VPS13B: variants seen among roughly 807,000 people sequenced by gnomAD.
The protein encoded by VPS13B is vacuolar protein sorting 13 homolog B, also known as intermembrane lipid transfer protein VPS13B.
A neutral mutation model predicts 426.4 loss-of-function variants in VPS13B; 285 were observed. That is an observed-to-expected ratio of 0.67 (90% CI 0.61 to 0.74). The LOEUF is 0.74. Ranked by LOEUF, VPS13B falls within the 30% of genes least tolerant of loss-of-function variation. The pLI is 0.00. For missense variants in VPS13B, 4,537 were observed against 4,782.6 expected, an observed-to-expected ratio of 0.95 and a Z score of 1.51; for synonymous variants, 1,676 against 1,676.4, an observed-to-expected ratio of 1.00 and a Z score of 0.01.
intron 24 of VPS13B, among the ~76,000 whole-genome samples, chr8:99,473,839 A>G (rs747423270): frequency 1.3e-5 from 2 of 152,192 alleles, no homozygotes; most frequent in Non-Finnish European, 2.9e-5. Context: ...AACCATTTGT[A>G]TTTTTATGTA....
chr8:99,541,222 A>G (rs1823598407), intron 30 of VPS13B, among the ~76,000 whole-genome samples: 1 of 152,212 alleles, frequency 6.6e-6, no homozygotes. Context: ...AATATAGTTT[A>G]AATATTTTCA....
At chr8:99,336,205 C>T (rs1213012924) in intron 19 of VPS13B, among the ~76,000 whole-genome samples, 42 of 151,798 alleles carry the variant, frequency 2.8e-4, no homozygotes, top group Middle Eastern at 3.2e-3. Flanking sequence ...TCAGAAATAA[C>T]GCCGCATATC....
At chr8:99,366,152 AT>A (rs1812875101) in intron 19 of VPS13B, among the ~76,000 whole-genome samples, 1 of 151,256 alleles carries the variant, frequency 6.6e-6, no homozygotes, top group African/African-American at 2.4e-5. Flanking sequence ...TTCTTTGTTG[AT>A]TTTCTTTCTG....
rs530025657 is a variant in VPS13B at position 99,063,620 on chromosome 8, T to C, written c.291+25054T>C. On this transcript the variant is annotated intron_variant, in intron 3 of 61. Transcript: ENST00000357162. ...CAGCTCAGCAAGGCCTGCTGCCTCA[T>C]AGACTCCACCTCTGGGGACAGGGCA... 2.0e-5 allele frequency among the ~76,000 whole-genome samples: 3 copies of C among 152,318 alleles called. No individual in the cohort carries two copies. In the South Asian group the frequency reaches 6.2e-4, roughly 32 times the overall value.
chr8:99,833,882 C>T (rs192756443), intron 52 of VPS13B, among the ~76,000 whole-genome samples: 128 of 152,322 alleles, frequency 8.4e-4, no homozygotes, highest in African/African-American at 2.9e-3. Context: ...GAGTTTGGCT[C>T]GCCTAGCTGT....
intron 39 of VPS13B, among the ~76,000 whole-genome samples, chr8:99,742,244 C>T (rs1214355828): frequency 2.0e-5 from 3 of 152,010 alleles, no homozygotes; most frequent in Non-Finnish European, 4.4e-5. Context: ...ATAAATTCCT[C>T]GACACATACA....
intron 37 of VPS13B, among the ~76,000 whole-genome samples, chr8:99,720,142 T>A (rs1833078910): frequency 1.3e-5 from 2 of 152,130 alleles, no homozygotes; most frequent in African/African-American, 4.8e-5. Flanking sequence ...ATATAAGATA[T>A]AATTAATTTT....
chr8:99,853,492 A>G lies in VPS13B; in HGVS notation c.10103A>G (p.Gln3368Arg), dbSNP rs377348581. 1.2e-5 allele frequency: 20 copies of G among 1,614,096 alleles called. No individual in the cohort carries two copies. The highest frequency in any genetic ancestry group is 1.7e-5 in the Non-Finnish European group (20 of 1,180,046). ...GTTACATTTAAAATGTTCATCACTC[A>G]GTTAAGCCTGGCAGTGTTTGATGAC... The part of the protein sequence containing the change: ...KIVTFKMFIT[Q>R]LSLAVFDDLT... The change falls in exon 56 of 62, where the codon CAG (glutamine) becomes CGG (arginine). Residue 3368 changes from glutamine (Q) to arginine (R), a missense_variant. Gln to Arg is a conservative substitution (Grantham distance 43, BLOSUM62 1). Coordinates refer to ENST00000357162, the MANE Select transcript of VPS13B (RefSeq NM_152564.5).
chr8:99,064,171 A>G (rs1844347787), intron 3 of VPS13B, among the ~76,000 whole-genome samples: 1 of 152,226 alleles, frequency 6.6e-6, no homozygotes, highest in Non-Finnish European at 1.5e-5. Flanking sequence ...AGAAAGCTGA[A>G]AATTCTAAAA....
rs753426550 is a variant in VPS13B, at chr8:99,481,649, G to C, written c.3717G>C (p.Lys1239Asn). The C allele has an allele frequency of 1.2e-6, 2 of 1,613,924 alleles. No individual in the cohort carries two copies. Among genetic ancestry groups the C allele is most frequent in the Non-Finnish European group, 1.7e-6 (2 of 1,179,882 alleles). Residue 1239 changes from lysine (K) to asparagine (N), a missense_variant, in exon 25 of 62, where the codon AAG becomes AAC. Around this residue, in one of 2 missense-constraint regions of VPS13B, gnomAD observed 4,311 missense variants for 4,474.3 expected, o/e 0.96. Coordinates refer to ENST00000357162, the MANE Select transcript of VPS13B (RefSeq NM_152564.5). ...ATATCATGAATAAGGTCTGGAACAA[G>C]ATTCAGAAGAGAGGCAATCTCAACC... ...LTDIMNKVWN[K>N]IQKRGNLNLS...
At chr8:99,201,231 A>G (rs1814303115) in intron 17 of VPS13B, among the ~76,000 whole-genome samples, 1 of 152,146 alleles carries the variant, frequency 6.6e-6, no homozygotes, top group Non-Finnish European at 1.5e-5. Context: ...TTAAACTGTT[A>G]CTGATTTCTG....
chr8:99,651,466 T>C (rs1563844822), intron 34 of VPS13B, among the ~76,000 whole-genome samples: 1 of 152,146 alleles, frequency 6.6e-6, no homozygotes, highest in Non-Finnish European at 1.5e-5. Context: ...AGTAAGTCTT[T>C]GAGTTAACTT....
intron 21 of VPS13B, chr8:99,424,484 A>G (rs1014212288): frequency 7.9e-5 from 12 of 152,364 alleles, no homozygotes; most frequent in African/African-American, 2.4e-4. Flanking sequence ...AAATGAAGGC[A>G]GAAATAAAGA....
intron 30 of VPS13B, among the ~76,000 whole-genome samples, chr8:99,543,126 G>A (rs937754342): frequency 2.6e-5 from 4 of 152,072 alleles, no homozygotes; most frequent in Admixed American, 2.6e-4. Context: ...ATAGATCAAT[G>A]GAACAAAACA....
chr8:99,717,419 C>A, intron 37 of VPS13B, 46 bp downstream of exon 37: 1 of 1,521,778 alleles, frequency 6.6e-7, no homozygotes. Context: ...ATTAACTAGC[C>A]TCTGTTCATT....
At chr8:99,195,365 T>C (rs753831259) in intron 17 of VPS13B, among the ~76,000 whole-genome samples, 1 of 152,212 alleles carries the variant, frequency 6.6e-6, no homozygotes, top group African/African-American at 2.4e-5. Flanking sequence ...CAGGAACCCG[T>C]TGGCCATTTG....
At chr8:99,751,561 C>T (rs1002603723) in intron 39 of VPS13B, among the ~76,000 whole-genome samples, 20 of 152,082 alleles carry the variant, frequency 1.3e-4, no homozygotes, top group Admixed American at 4.6e-4. Flanking sequence ...CCTCGCTGAT[C>T]GTTGTATCCC....
intron 54 of VPS13B, among the ~76,000 whole-genome samples, chr8:99,844,025 T>G (rs1297940478): frequency 6.6e-6 from 1 of 152,192 alleles, no homozygotes; most frequent in Non-Finnish European, 1.5e-5. Context: ...GATTTACATT[T>G]TTTTCCAAGT....
chr8:99,054,223 C>G (rs1339375848), intron 3 of VPS13B, among the ~76,000 whole-genome samples: 1 of 152,214 alleles, frequency 6.6e-6, no homozygotes, highest in East Asian at 1.9e-4. Context: ...TATAGTAATT[C>G]TGTGTTCACT....
Sources: gnomAD v4.1 joint callset for allele counts (sites outside exome capture counted in the v4.1 genomes callset) on GRCh38, gnomAD v4.1.1 for gene constraint, gnomAD v4.1.1 regional missense constraint, MANE v1.5 for transcripts, NCBI Gene and HGNC (gene_info 2026-07-23, HGNC 2026-07-21) for gene names.